CDYL: variants seen among roughly 807,000 people sequenced by gnomAD.
CDYL encodes chromodomain Y-like protein.
CDYL carries 8 observed loss-of-function variants against 47.3 expected under a neutral mutation model. The observed-to-expected ratio is 0.17, with a 90% confidence interval of 0.10 to 0.31. The LOEUF (loss-of-function observed/expected upper bound fraction) is 0.31, where lower values mean the gene tolerates loss of function less well. Ranked by LOEUF, CDYL falls within the 10% of genes least tolerant of loss-of-function variation. CDYL has a pLI of 1.00. For missense variants in CDYL, 471 were observed against 701.4 expected (o/e 0.67, Z 3.71); for synonymous variants, 266 against 265.0 (o/e 1.00, Z -0.04).
At chr6:4,874,370 G>T (rs922738340) in intron 1 of CDYL, among the ~76,000 whole-genome samples, 2 of 152,086 alleles carry the variant, frequency 1.3e-5, no homozygotes, top group African/African-American at 4.8e-5. Flanking sequence ...TCTGTTCAGC[G>T]TTGGCGTTAG....
intron 2 of CDYL, among the ~76,000 whole-genome samples, chr6:4,917,669 A>G (rs1042169819): frequency 2.6e-5 from 4 of 152,240 alleles, no homozygotes; most frequent in African/African-American, 9.6e-5. Context: ...AGAAATTGAT[A>G]GAAATGGCAG....
intron 4 of CDYL, among the ~76,000 whole-genome samples, chr6:4,940,298 A>G (rs1024605354): frequency 2.0e-5 from 3 of 152,246 alleles, no homozygotes; most frequent in Admixed American, 6.5e-5. Context: ...TCCTTAATGT[A>G]GTCTGGCAAG....
At chr6:4,893,687 C>T (rs947501235) in intron 2 of CDYL, among the ~76,000 whole-genome samples, 5 of 149,366 alleles carry the variant, frequency 3.3e-5, no homozygotes, top group African/African-American at 7.5e-5. Flanking sequence ...AGTGAGACTC[C>T]GTCTCCCAAA....
intron 5 of CDYL, among the ~76,000 whole-genome samples, chr6:4,946,572 A>C (rs1284186252): frequency 6.6e-6 from 1 of 152,076 alleles, no homozygotes; most frequent in African/African-American, 2.4e-5. Context: ...CAGGTACTCA[A>C]GGGTCTGGGG....
chr6:4,722,831 C>G (rs1463372071), intron 2 of CDYL, among the ~76,000 whole-genome samples: 2 of 152,156 alleles, frequency 1.3e-5, no homozygotes, highest in Non-Finnish European at 2.9e-5. Context: ...GAGCCAAGAT[C>G]GTGCCACCGT....
chr6:4,855,321 G>A (rs1760973955), intron 1 of CDYL, among the ~76,000 whole-genome samples: 1 of 152,082 alleles, frequency 6.6e-6, no homozygotes, highest in Admixed American at 6.6e-5. Context: ...CTGTCACCCA[G>A]GCTAGAGTGC....
chr6:4,927,428 CGTGTGTGTGTGT>C (rs35317751), intron 2 of CDYL, among the ~76,000 whole-genome samples: 11 of 142,562 alleles, frequency 7.7e-5, no homozygotes, highest in African/African-American at 2.7e-4. Context: ...ATTTACTGTA[CGTGTGTGTGTGT>C]GTGTGTGTGT....
At chr6:4,852,535 T>TCTTCCTTCCTTC (rs371091747) in intron 1 of CDYL, among the ~76,000 whole-genome samples, 1 of 76,566 alleles carries the variant, frequency 1.3e-5, no homozygotes, top group Non-Finnish European at 2.4e-5. Flanking sequence ...TTCCTTCCAA[T>TCTTCCTTCCTTC]CTTCCTTCCT....
Position 4,954,157 on chromosome 6 carries a change from C to A in CDYL, c.*101C>A. On this transcript the variant is annotated 3_prime_UTR_variant, in exon 7 of 7. Transcript: ENST00000397588. ...ATTCTCACAGCCTGAAACAAGCTCA[C>A]CCGTAGCTTACGCTTGGAAGCAGGA... 1 of 1,298,934 alleles carries A rather than the reference C, an allele frequency of 7.7e-7. No individual in the cohort carries two copies. The highest frequency in any genetic ancestry group is 1.0e-6 in the Non-Finnish European group (1 of 954,156). 80.5% of individuals were successfully genotyped at this position (1,298,934 alleles called of 1,614,324 possible).
chr6:4,875,421 A>G (rs1761593092), intron 1 of CDYL, among the ~76,000 whole-genome samples: 1 of 152,176 alleles, frequency 6.6e-6, no homozygotes, highest in South Asian at 2.1e-4. Flanking sequence ...TTGACAAACA[A>G]TATTTTATTT....
intron 3 of CDYL, among the ~76,000 whole-genome samples, chr6:4,739,335 T>C (rs1757756584): frequency 1.3e-5 from 2 of 151,656 alleles, no homozygotes; most frequent in Admixed American, 1.3e-4. Flanking sequence ...CTGGCTAACA[T>C]GGCAAAACCC....
chr6:4,715,731 G>A, intron 1 of CDYL: 2 of 1,609,482 alleles, frequency 1.2e-6, no homozygotes, highest in Non-Finnish European at 1.7e-6. Context: ...TGTTGGGATT[G>A]TAATTGCAGG....
At chr6:4,853,396 C>T (rs558240966) in intron 1 of CDYL, among the ~76,000 whole-genome samples, 13 of 152,286 alleles carry the variant, frequency 8.5e-5, no homozygotes, top group South Asian at 4.1e-4. Flanking sequence ...GATGGCAGAG[C>T]CTGCATCTGA....
chr6:4,808,370 CCTT>C (rs1204784834), intron 1 of CDYL, among the ~76,000 whole-genome samples: 1 of 152,212 alleles, frequency 6.6e-6, no homozygotes. Context: ...TTCATTCTAA[CCTT>C]CTTCTTTTCC....
chr6:4,922,884 C>T (rs1218460045), intron 2 of CDYL, among the ~76,000 whole-genome samples: 1 of 152,208 alleles, frequency 6.6e-6, no homozygotes, highest in African/African-American at 2.4e-5. Flanking sequence ...ACCACGGGGC[C>T]TGAGCTCCAC....
intron 2 of CDYL, among the ~76,000 whole-genome samples, chr6:4,912,363 A>T (rs1389297796): frequency 6.6e-6 from 1 of 152,210 alleles, no homozygotes; most frequent in Non-Finnish European, 1.5e-5. Flanking sequence ...CCAGCTCATC[A>T]TCATCTGCAC....
At chr6:4,845,730 A>G (rs1036873801) in intron 1 of CDYL, among the ~76,000 whole-genome samples, 2 of 152,220 alleles carry the variant, frequency 1.3e-5, no homozygotes, top group African/African-American at 4.8e-5. Context: ...AGACTGAAAT[A>G]TGAATTTTGT....
rs139815789 is a variant in CDYL, at chr6:4,932,077, A to G, written c.692-3438A>G. ...CTTTACGTAGAGAAAGGAAAGACCC[A>G]GTGAAAGCAAGAGCATTCCAGAGGT... On this transcript the variant is annotated intron_variant, in intron 2 of 6. Transcript: ENST00000397588. 2.8e-3 allele frequency among the ~76,000 whole-genome samples: 431 copies of G among 152,344 alleles called. 2 individuals are homozygous for G. The highest frequency in any genetic ancestry group is 7.7e-3 in the African/African-American group (320 of 41,580).
At chr6:4,745,912 A>G (rs958073195) in intron 3 of CDYL, among the ~76,000 whole-genome samples, 1 of 152,220 alleles carries the variant, frequency 6.6e-6, no homozygotes, top group African/African-American at 2.4e-5. Context: ...GCATGTGTTC[A>G]GGGAAGTGTT....
Sources: allele counts gnomAD v4.1 joint callset (sites outside exome capture counted in the v4.1 genomes callset), GRCh38; gene constraint gnomAD v4.1.1; transcripts MANE v1.5; gene names NCBI Gene and HGNC (gene_info 2026-07-23, HGNC 2026-07-21).